SYT10: variants seen among roughly 807,000 people sequenced by gnomAD.
The protein encoded by SYT10 is synaptotagmin-10.
A neutral mutation model predicts 51.1 loss-of-function variants in SYT10; 31 were observed. The ratio of observed to expected loss-of-function variants is 0.61; its 90% confidence interval spans 0.46 to 0.82. The LOEUF (loss-of-function observed/expected upper bound fraction) is 0.82, where lower values mean the gene tolerates loss of function less well. Ranked by LOEUF, SYT10 falls within the 40% of genes least tolerant of loss-of-function variation. The probability of loss-of-function intolerance (pLI) is 0.00; values close to 1 mark genes in which losing one functional copy is unlikely to be tolerated. For synonymous variants in SYT10, 233 were observed against 225.9 expected (o/e 1.03, Z -0.28); for missense variants, 603 against 634.0 (o/e 0.95, Z 0.53).
intron 3 of SYT10, among the ~76,000 whole-genome samples, chr12:33,394,485 C>T (rs1389273475): frequency 8.5e-5 from 13 of 152,086 alleles, no homozygotes; most frequent in Admixed American, 7.2e-4. Context: ...TATTAGCAGT[C>T]GAGTGGATAA....
intron 3 of SYT10, chr12:33,405,249 A>G (rs964254994): frequency 1.3e-5 from 2 of 152,168 alleles, no homozygotes; most frequent in Non-Finnish European, 2.9e-5. Context: ...TAATCTAACA[A>G]TTAATTGCCA....
intron 4 of SYT10, among the ~76,000 whole-genome samples, chr12:33,384,566 TTAAA>T (rs1338198786): frequency 5.9e-5 from 9 of 152,236 alleles, no homozygotes; most frequent in African/African-American, 2.2e-4. Context: ...CTGCAGTGAA[TTAAA>T]TAAAGGGATG....
chr12:33,380,570 G>A (rs1276196431), intron 5 of SYT10, among the ~76,000 whole-genome samples: 1 of 152,154 alleles, frequency 6.6e-6, no homozygotes. Flanking sequence ...GAATCAAGAT[G>A]ATAATAATAA....
chr12:33,414,169 C>T (rs76072519), intron 2 of SYT10, among the ~76,000 whole-genome samples: 1 of 152,112 alleles, frequency 6.6e-6, no homozygotes, highest in Non-Finnish European at 1.5e-5. Context: ...TACAGGAGCA[C>T]CCAGATTCAT....
intron 1 of SYT10, chr12:33,432,312 G>T (rs2138439174): frequency 6.6e-6 from 1 of 152,012 alleles, no homozygotes; most frequent in Non-Finnish European, 1.5e-5. Flanking sequence ...ACCAAATATG[G>T]TATTCAAATA....
At chr12:33,421,507 A>G (rs1419774501) in intron 2 of SYT10, among the ~76,000 whole-genome samples, 1 of 152,178 alleles carries the variant, frequency 6.6e-6, no homozygotes, top group Non-Finnish European at 1.5e-5. Flanking sequence ...ACCTCTTTCT[A>G]ATAGGAACAC....
At chr12:33,377,839 G>C (rs1866077360) in intron 6 of SYT10, among the ~76,000 whole-genome samples, 1 of 151,848 alleles carries the variant, frequency 6.6e-6, no homozygotes, top group African/African-American at 2.4e-5. Flanking sequence ...TGTTGGCCAG[G>C]CTGGTCTTGA....
intron 2 of SYT10, among the ~76,000 whole-genome samples, chr12:33,417,604 G>A (rs1197345433): frequency 6.6e-6 from 1 of 152,242 alleles, no homozygotes; most frequent in Non-Finnish European, 1.5e-5. Flanking sequence ...AGGGAAAACA[G>A]ATTGCTGTGC....
intron 3 of SYT10, among the ~76,000 whole-genome samples, chr12:33,389,647 A>T (rs563624916): frequency 2.6e-5 from 4 of 152,212 alleles, no homozygotes; most frequent in Non-Finnish European, 5.9e-5. Context: ...TATTGAAAAA[A>T]AAACTAAACA....
chr12:33,403,519 G>T (rs1440512020), intron 3 of SYT10, among the ~76,000 whole-genome samples: 2 of 152,124 alleles, frequency 1.3e-5, no homozygotes, highest in Non-Finnish European at 2.9e-5. Flanking sequence ...ACAGGCATGA[G>T]CCACTGTGCC....
chr12:33,383,707 C>T (rs1398437170), intron 4 of SYT10, among the ~76,000 whole-genome samples: 1 of 152,094 alleles, frequency 6.6e-6, no homozygotes, highest in Non-Finnish European at 1.5e-5. Flanking sequence ...ATTCCCGTCA[C>T]GTCTCTGACT....
chr12:33,434,319 A>G (rs11052704), intron 1 of SYT10, among the ~76,000 whole-genome samples: 7,090 of 152,290 alleles, frequency 0.047, 271 homozygotes, highest in Admixed American at 0.11. Flanking sequence ...AATTTCTGCT[A>G]TTATCATAAA....
At chr12:33,402,538 C>A (rs1866315748) in intron 3 of SYT10, among the ~76,000 whole-genome samples, 1 of 152,142 alleles carries the variant, frequency 6.6e-6, no homozygotes, top group Non-Finnish European at 1.5e-5. Context: ...TACTTTATTT[C>A]TTTGTTATTT....
intron 1 of SYT10, among the ~76,000 whole-genome samples, chr12:33,428,884 T>A (rs1285864901): frequency 7.4e-6 from 1 of 135,394 alleles, no homozygotes; most frequent in Non-Finnish European, 1.5e-5. Context: ...CCAGCCTGGG[T>A]GACAGAGTGA....
chr12:33,422,395 A>G (rs1866512923), intron 2 of SYT10, among the ~76,000 whole-genome samples: 1 of 152,148 alleles, frequency 6.6e-6, no homozygotes, highest in Non-Finnish European at 1.5e-5. Context: ...AATAAAAATT[A>G]CAAAGTAGAT....
At chr12:33,400,262 T>C (rs1866291026) in intron 3 of SYT10, among the ~76,000 whole-genome samples, 1 of 152,182 alleles carries the variant, frequency 6.6e-6, no homozygotes, top group African/African-American at 2.4e-5. Context: ...TCCAGGATGA[T>C]TGGGGGTAGA....
chr12:33,426,129 T>C lies in SYT10; in HGVS notation c.509+9A>G. 9 of 1,580,240 alleles carry C rather than the reference T, an allele frequency of 5.7e-6. No individual in the cohort carries two copies. The highest frequency in any genetic ancestry group is 7.7e-6 in the Non-Finnish European group (9 of 1,167,378). On this transcript the variant is annotated intron_variant, in intron 2 of 6. Transcript: ENST00000228567. ...ACACACCAGTTTTATATATTTAATC[T>C]TTCCTTACCGGGTTGATGACGTAGG...
chr12:33,436,553 T>G (rs1866639042), intron 1 of SYT10, among the ~76,000 whole-genome samples: 1 of 152,188 alleles, frequency 6.6e-6, no homozygotes, highest in South Asian at 2.1e-4. Context: ...GTGATCATAT[T>G]GTGACTGTGA....
At chr12:33,389,799 T>A (rs916063305) in intron 3 of SYT10, among the ~76,000 whole-genome samples, 2 of 152,146 alleles carry the variant, frequency 1.3e-5, no homozygotes, top group Non-Finnish European at 2.9e-5. Flanking sequence ...CTAGATCAAA[T>A]GAGCTTCTTC....
Sources: gnomAD v4.1 joint callset for allele counts (sites outside exome capture counted in the v4.1 genomes callset) on GRCh38, gnomAD v4.1.1 for gene constraint, MANE v1.5 for transcripts, NCBI Gene and HGNC (gene_info 2026-07-23, HGNC 2026-07-21) for gene names.